RPP14: variants seen among roughly 807,000 people sequenced by gnomAD.
The protein encoded by RPP14 is ribonuclease P/MRP subunit p14.
Under a neutral mutation model 17.8 loss-of-function variants are expected in RPP14, and 19 were observed. That is an observed-to-expected ratio of 1.07 (90% confidence interval 0.74 to 1.57). RPP14 has a LOEUF of 1.57. RPP14 is among the 40% of genes most tolerant of loss of function. The pLI is 0.00. For synonymous variants in RPP14, 60 were observed against 56.4 expected (o/e 1.06, Z -0.29); for missense variants, 125 against 140.8 (o/e 0.89, Z 0.57).
At chr3:58,307,439 C>G (rs17059163) in intron 1 of RPP14, among the ~76,000 whole-genome samples, 1 of 152,150 alleles carries the variant, frequency 6.6e-6, no homozygotes, top group Non-Finnish European at 1.5e-5. Context: ...AAGGCTGACT[C>G]TAGGCCGGGC....
chr3:58,314,462 T>C (rs2097486069), intron 3 of RPP14, among the ~76,000 whole-genome samples: 1 of 152,182 alleles, frequency 6.6e-6, no homozygotes, highest in South Asian at 2.1e-4. Flanking sequence ...GAATGTGTGG[T>C]TGGCAAAGAA....
At chr3:58,316,804 C>T (rs781174554) in intron 4 of RPP14, 111 bp from the exon 5 acceptor site, 5 of 1,009,130 alleles carry the variant, frequency 5.0e-6, no homozygotes, top group African/African-American at 3.2e-5. Flanking sequence ...GTAGTTTTCC[C>T]ATTGATGGTT....
intron 5 of RPP14, 73 bp downstream of exon 5, chr3:58,317,066 C>T (rs1179050288): frequency 1.9e-6 from 2 of 1,053,462 alleles, no homozygotes; most frequent in Non-Finnish European, 2.9e-6. Context: ...ATACACAACT[C>T]ATTTTTGTGC....
intron 3 of RPP14, among the ~76,000 whole-genome samples, chr3:58,315,457 G>A (rs1034488765): frequency 2.0e-5 from 3 of 152,130 alleles, no homozygotes; most frequent in African/African-American, 7.2e-5. Context: ...ATCATTGATT[G>A]TGGTGGTAGT....
intron 1 of RPP14, among the ~76,000 whole-genome samples, chr3:58,309,702 C>T (rs1413830060): frequency 6.6e-6 from 1 of 152,020 alleles, no homozygotes; most frequent in African/African-American, 2.4e-5. Flanking sequence ...CCAGCCTGAC[C>T]AATATGGTGA....
Position 58,317,501 on chromosome 3 carries a change from A to G in RPP14, c.*5A>G. The G allele has an allele frequency of 6.4e-7, 1 of 1,564,886 alleles. No individual in the cohort carries two copies. Among genetic ancestry groups the G allele is most frequent in the Non-Finnish European group, 8.8e-7 (1 of 1,138,966 alleles). Reference sequence around the variant, plus strand: ...AGGGAACTAGTATTGGATTGAATGAATAGTCTTCCATTTTGGAAACGTTCA... The same window carrying G: ...AGGGAACTAGTATTGGATTGAATGAGTAGTCTTCCATTTTGGAAACGTTCA... On this transcript the variant is annotated 3_prime_UTR_variant, in exon 6 of 6. Transcript: ENST00000295959.
Position 58,310,505 on chromosome 3 carries a change from A to G in RPP14, c.78-2A>G. 6.2e-7 allele frequency: 1 copy of G among 1,604,716 alleles called. No individual in the cohort carries two copies. Among genetic ancestry groups the G allele is most frequent in the Non-Finnish European group, 8.5e-7 (1 of 1,176,826 alleles). The stretch of plus-strand genomic sequence containing the variant: ...GACTTTTTTTTTTTTCACTTTTTTT[A>G]GAGAATTTCAAGATTGTGGAGTTGG... On this transcript the variant is annotated splice_acceptor_variant, in intron 2 of 5. Coordinates refer to ENST00000295959, the MANE Select transcript of RPP14 (RefSeq NM_007042.6). LOFTEE classifies it high-confidence loss of function.
At chr3:58,313,701 GAT>G (rs2097484883) in intron 3 of RPP14, among the ~76,000 whole-genome samples, 1 of 152,154 alleles carries the variant, frequency 6.6e-6, no homozygotes, top group African/African-American at 2.4e-5. Flanking sequence ...GGTGTGCACT[GAT>G]AGTCCCAACT....
chr3:58,309,600 C>G (rs1018460108), intron 1 of RPP14, among the ~76,000 whole-genome samples: 1 of 152,094 alleles, frequency 6.6e-6, no homozygotes, highest in African/African-American at 2.4e-5. Flanking sequence ...GTCTTAAAAA[C>G]CAAACAGGAG....
At chr3:58,307,430 A>C (rs1412726042) in intron 1 of RPP14, among the ~76,000 whole-genome samples, 1 of 152,232 alleles carries the variant, frequency 6.6e-6, no homozygotes, top group East Asian at 1.9e-4. Context: ...CCACTAAAAA[A>C]GGCTGACTCT....
Position 58,316,936 on chromosome 3 carries a change from C to T in RPP14, c.261C>T (p.Ser87=), listed in dbSNP as rs1368101277. ...GCAGTGGTCTTGTCAAATTGTGGAGCTCTTTGACCCTGTTAGGATCCTATA... is the reference window on the plus strand; with the variant it reads ...GCAGTGGTCTTGTCAAATTGTGGAGTTCTTTGACCCTGTTAGGATCCTATA... The part of the protein sequence containing the change: ...ICSSGLVKLW[S]SLTLLGSYKG... Residue 87 remains serine (S), a synonymous_variant, in exon 5 of 6, where the codon AGC becomes AGT. Coordinates refer to ENST00000295959, the MANE Select transcript of RPP14 (RefSeq NM_007042.6). The T allele has an allele frequency of 9.3e-6, 15 of 1,613,742 alleles. No homozygotes were observed. Among genetic ancestry groups the T allele is most frequent in the Non-Finnish European group, 1.3e-5 (15 of 1,179,810 alleles).
At chr3:58,310,924 G>A (rs1213636806) in intron 3 of RPP14, among the ~76,000 whole-genome samples, 3 of 100,186 alleles carry the variant, frequency 3.0e-5, no homozygotes, top group Non-Finnish European at 5.8e-5. Context: ...GCGAGACTCT[G>A]TCACAAAAAA....
In RPP14 at chr3:58,318,276, T is replaced by C; in HGVS notation, c.*780T>C. The C allele has an allele frequency of 5.4e-6, 3 of 553,110 alleles. No homozygotes were observed. Among genetic ancestry groups the C allele is most frequent in the Non-Finnish European group, 6.3e-6 (2 of 316,378 alleles). 34.3% of individuals were successfully genotyped at this position (553,110 alleles called of 1,614,324 possible). A position where few individuals can be genotyped will look rare whatever the true frequency, so the allele number is the denominator to read the frequency against. On this transcript the variant is annotated 3_prime_UTR_variant, in exon 6 of 6. Coordinates refer to ENST00000295959, the MANE Select transcript of RPP14 (RefSeq NM_007042.6). ...AAGAGGGTTGTTCAAATGCCCACTT[T>C]CCAGTTTGGCCTTATGCTTCATGCA... is the stretch of plus-strand genomic sequence containing the variant.
Position 58,318,063 on chromosome 3 carries a change from A to C in RPP14, c.*567A>C. ...TGTCATGTTCTGTAATAGAAAGTAA[A>C]AAGACTGTTATGGAAGGCTGGGTTA... On this transcript the variant is annotated 3_prime_UTR_variant, in exon 6 of 6. Coordinates refer to ENST00000295959, the MANE Select transcript of RPP14 (RefSeq NM_007042.6). 1 of 688,628 alleles carries C rather than the reference A, an allele frequency of 1.5e-6. No individual in the cohort carries two copies. Among genetic ancestry groups the C allele is most frequent in the South Asian group, 1.6e-5 (1 of 64,494 alleles). The allele number at this position is 688,628 out of a possible 1,614,324, so 42.7% of individuals were successfully genotyped here.
In RPP14 at chr3:58,317,679, C is replaced by A. The variant is rs751077766; in HGVS notation, c.*183C>A. 3 of 705,526 alleles carry A rather than the reference C, an allele frequency of 4.3e-6. No homozygotes were observed. Among genetic ancestry groups the A allele is most frequent in the Non-Finnish European group, 7.8e-6 (3 of 386,124 alleles). 43.7% of individuals were successfully genotyped at this position (705,526 alleles called of 1,614,324 possible). A position where few individuals can be genotyped will look rare whatever the true frequency, so the allele number is the denominator to read the frequency against. On this transcript the variant is annotated 3_prime_UTR_variant, in exon 6 of 6. Transcript: ENST00000295959. ...GGCTTCGGAGGACAGTCTGTCTGAA[C>A]CTGCCAGTGCTGACCCTGCAGCACT...
At chr3:58,317,324 T>C (rs1488139038) in intron 5 of RPP14, 116 bp from the exon 6 acceptor site, 2 of 689,094 alleles carry the variant, frequency 2.9e-6, no homozygotes, top group Non-Finnish European at 5.0e-6. Context: ...CAGGATGCTC[T>C]GTAAAATGCT....
intron 1 of RPP14, among the ~76,000 whole-genome samples, chr3:58,306,899 A>C (rs575149826): frequency 1.7e-4 from 26 of 152,328 alleles, no homozygotes; most frequent in African/African-American, 6.0e-4. Context: ...CATAATTGTC[A>C]TAGAAAAAGG....
At position 58,311,273 on chromosome 3, in the gene RPP14, G is replaced by GC. The variant is rs746667311; in HGVS notation, c.162+688dup. ...AGATTCAAGGGATCTTCCTGCCTTA[G>GC]CCCCCCTGGTAGCTGAGATTACAGG... On this transcript the variant is annotated intron_variant, in intron 3 of 5. Transcript: ENST00000295959. 4.6e-5 allele frequency among the ~76,000 whole-genome samples: 7 copies of GC among 152,022 alleles called. No individual in the cohort carries two copies. The East Asian group carries it at 1.2e-3, about 25-fold the overall frequency.
At chr3:58,311,228 C>T (rs1236472952) in intron 3 of RPP14, among the ~76,000 whole-genome samples, 1 of 152,110 alleles carries the variant, frequency 6.6e-6, no homozygotes, top group African/African-American at 2.4e-5. Flanking sequence ...ATTCTTGGCT[C>T]ACTGCAGCCT....
Sources: allele counts gnomAD v4.1 joint callset (sites outside exome capture counted in the v4.1 genomes callset), GRCh38; gene constraint gnomAD v4.1.1; transcripts MANE v1.5; gene names NCBI Gene and HGNC (gene_info 2026-07-23, HGNC 2026-07-21).